The following PDGFC variants were observed in gnomAD, a reference collection of about 807,000 sequenced individuals.
The protein encoded by PDGFC is platelet-derived growth factor C.
A neutral mutation model predicts 35.5 loss-of-function variants in PDGFC; 12 were observed. The observed-to-expected ratio is 0.34, with a 90% CI of 0.22 to 0.55. PDGFC has a LOEUF of 0.55. Ranked by LOEUF, PDGFC falls within the 20% of genes least tolerant of loss-of-function variation. PDGFC has a pLI of 0.91. For missense variants in PDGFC, 322 were observed against 412.4 expected (o/e 0.78, Z 1.90); for synonymous variants, 159 against 148.8 (o/e 1.07, Z -0.50).
At chr4:156,839,683 A>G (rs1158198236) in intron 2 of PDGFC, among the ~76,000 whole-genome samples, 2 of 152,192 alleles carry the variant, frequency 1.3e-5, no homozygotes, top group African/African-American at 4.8e-5. Flanking sequence ...AAAATATGGG[A>G]AAGTTTGAAA....
intron 2 of PDGFC, among the ~76,000 whole-genome samples, chr4:156,811,489 G>T (rs941907107): frequency 3.3e-5 from 5 of 151,868 alleles, no homozygotes; most frequent in Admixed American, 6.6e-5. Context: ...CATTGTATAC[G>T]CATCTTTCGC....
intron 2 of PDGFC, among the ~76,000 whole-genome samples, chr4:156,845,491 T>C (rs1729305033): frequency 6.6e-6 from 1 of 151,852 alleles, no homozygotes; most frequent in Non-Finnish European, 1.5e-5. Context: ...GGCTATCTAA[T>C]TCCAATTCTG....
intron 1 of PDGFC, among the ~76,000 whole-genome samples, chr4:156,866,508 A>G (rs1263530888): frequency 1.3e-5 from 2 of 151,876 alleles, no homozygotes; most frequent in Non-Finnish European, 2.9e-5. Flanking sequence ...CACAGTTACC[A>G]TGTGCAGTGG....
At chr4:156,790,218 A>G (rs1295624270) in intron 3 of PDGFC, among the ~76,000 whole-genome samples, 1 of 152,234 alleles carries the variant, frequency 6.6e-6, no homozygotes, top group East Asian at 1.9e-4. Context: ...AAATAAAATA[A>G]TGCACATAAT....
chr4:156,766,234 G>T (rs1260557877), intron 5 of PDGFC, among the ~76,000 whole-genome samples: 3 of 152,058 alleles, frequency 2.0e-5, no homozygotes, highest in African/African-American at 7.2e-5. Flanking sequence ...GGACTGGTAG[G>T]ACACCAGCAT....
chr4:156,916,195 C>A (rs1731153312), intron 1 of PDGFC, among the ~76,000 whole-genome samples: 1 of 152,112 alleles, frequency 6.6e-6, no homozygotes, highest in South Asian at 2.1e-4. Context: ...GGCACAGAGA[C>A]AATCAGAGGC....
rs1391400982 is a variant in PDGFC at position 156,793,558 on chromosome 4, TATATAA to T, written c.495+17273_495+17278del. Among the ~76,000 whole-genome samples the T allele has an allele frequency of 6.6e-3, 940 of 141,934 alleles. 3 individuals are homozygous for T. The highest frequency in any genetic ancestry group is 0.02 in the African/African-American group (722 of 36,268). The allele number at this position is 141,934 out of a possible 152,430, so 93.1% of individuals were successfully genotyped here. A position where few individuals can be genotyped will look rare whatever the true frequency, so the allele number is the denominator to read the frequency against. On this transcript the variant is annotated intron_variant, in intron 3 of 5. Transcript: ENST00000502773. The stretch of plus-strand genomic sequence containing the variant: ...GCATATATATATATATATATATATA[TATATAA>T]AACACTTTAAAATGTTATATGTGTG...
intron 3 of PDGFC, among the ~76,000 whole-genome samples, chr4:156,793,796 G>A (rs1013949253): frequency 1.3e-5 from 2 of 149,730 alleles, no homozygotes; most frequent in Non-Finnish European, 3.0e-5. Flanking sequence ...ATAATATATG[G>A]CAGAAATTTT....
At chr4:156,931,673 C>T (rs1731552781) in intron 1 of PDGFC, among the ~76,000 whole-genome samples, 1 of 152,106 alleles carries the variant, frequency 6.6e-6, no homozygotes, top group South Asian at 2.1e-4. Flanking sequence ...GTTCAAGCTT[C>T]ATGAAACTTT....
chr4:156,911,827 G>A lies in PDGFC; in HGVS notation c.118+58959C>T, dbSNP rs544147951. Among the ~76,000 whole-genome samples the A allele has an allele frequency of 5.9e-5, 9 of 152,206 alleles. No individual in the cohort carries two copies. In the South Asian group the frequency reaches 6.2e-4, roughly 11 times the overall value. Reference sequence around the variant, plus strand: ...GATGAAATATTAAAAATAAGTCTACGTAATTAATGCACATGCGTTGGTAAG... The same window carrying A: ...GATGAAATATTAAAAATAAGTCTACATAATTAATGCACATGCGTTGGTAAG... On this transcript the variant is annotated intron_variant, in intron 1 of 5. Coordinates refer to ENST00000502773, the MANE Select transcript of PDGFC (RefSeq NM_016205.3).
At chr4:156,847,889 A>G (rs1477638502) in intron 2 of PDGFC, among the ~76,000 whole-genome samples, 3 of 151,726 alleles carry the variant, frequency 2.0e-5, no homozygotes, top group African/African-American at 7.3e-5. Context: ...TGACCAAAGT[A>G]ACAGAAGAAA....
chr4:156,828,082 C>A (rs575929484), intron 2 of PDGFC, among the ~76,000 whole-genome samples: 1 of 152,166 alleles, frequency 6.6e-6, no homozygotes, highest in African/African-American at 2.4e-5. Context: ...TAATATAATA[C>A]CTCTTTCTCA....
chr4:156,823,769 A>T (rs566968003), intron 2 of PDGFC, among the ~76,000 whole-genome samples: 1 of 152,294 alleles, frequency 6.6e-6, no homozygotes, highest in South Asian at 2.1e-4. Flanking sequence ...TGTCGAAGAG[A>T]TATCTGCACT....
At chr4:156,926,450 T>C (rs1248765940) in intron 1 of PDGFC, among the ~76,000 whole-genome samples, 1 of 152,142 alleles carries the variant, frequency 6.6e-6, no homozygotes, top group East Asian at 1.9e-4. Flanking sequence ...CCCTCGGACT[T>C]CTTCCCTCAG....
chr4:156,797,232 A>G (rs902003906), intron 3 of PDGFC, among the ~76,000 whole-genome samples: 5 of 151,078 alleles, frequency 3.3e-5, no homozygotes, highest in Non-Finnish European at 7.4e-5. Flanking sequence ...AGCGACAATC[A>G]GTCTAAAAAA....
intron 1 of PDGFC, among the ~76,000 whole-genome samples, chr4:156,963,295 C>T (rs567848612): frequency 2.0e-5 from 3 of 151,908 alleles, no homozygotes; most frequent in South Asian, 4.2e-4. Flanking sequence ...TAGTAAGACC[C>T]CCATCTCTAA....
chr4:156,785,893 T>C (rs991026106), intron 3 of PDGFC, among the ~76,000 whole-genome samples: 31 of 152,244 alleles, frequency 2.0e-4, no homozygotes, highest in African/African-American at 7.0e-4. Flanking sequence ...ATTGAAAAAA[T>C]ATCTTCCTAC....
rs182956248 is a variant in PDGFC at position 156,904,263 on chromosome 4, A to C, written c.119-53847T>G. Among the ~76,000 whole-genome samples the C allele has an allele frequency of 3.9e-5, 6 of 152,126 alleles. No individual in the cohort carries two copies. In the East Asian group the frequency reaches 1.2e-3, roughly 29 times the overall value. On this transcript the variant is annotated intron_variant, in intron 1 of 5. Coordinates refer to ENST00000502773, the MANE Select transcript of PDGFC (RefSeq NM_016205.3). ...ATTTAACGTGAAAAGTCATGGATAA[A>C]AGCTGGAAAAAGGAAAGAGATCATA... is the stretch of plus-strand genomic sequence containing the variant.
Position 156,760,614 on chromosome 4 carries a change from A to ATGTGTGTGTGTGTG in PDGFC, c.*2462_*2475dup, listed in dbSNP as rs112313675. On this transcript the variant is annotated 3_prime_UTR_variant, in exon 6 of 6. Transcript: ENST00000502773. ...CAGAAATTAGGGTCATGTGCTATTTATGTGTGTGTGTGTGTGTGTGTGTGT... is the reference window on the plus strand; with the variant it reads ...CAGAAATTAGGGTCATGTGCTATTTATGTGTGTGTGTGTGTGTGTGTGTGTGTGTGTGTGTGTGT... 1 of 148,292 alleles carries ATGTGTGTGTGTGTG rather than the reference A, an allele frequency of 6.7e-6. No homozygotes were observed. Among genetic ancestry groups the ATGTGTGTGTGTGTG allele is most frequent in the African/African-American group, 2.5e-5 (1 of 40,468 alleles). The allele number at this position is 148,292 out of a possible 1,614,324, so 9.2% of individuals were successfully genotyped here. A position where few individuals can be genotyped will look rare whatever the true frequency, so the allele number is the denominator to read the frequency against.
Sources: allele counts gnomAD v4.1 joint callset (sites outside exome capture counted in the v4.1 genomes callset), GRCh38; gene constraint gnomAD v4.1.1; transcripts MANE v1.5; gene names NCBI Gene and HGNC (gene_info 2026-07-23, HGNC 2026-07-21).